Variants in ENTREP1 observed in about 807,000 individuals in gnomAD.
ENTREP1 encodes endosomal transmembrane epsin interactor 1, also known as Friedreich ataxia region gene X123.
chr9:69,391,609 C>T, the ENTREP1 span: 24 of 1,614,058 alleles, frequency 1.5e-5, no homozygotes, highest in African/African-American at 3.2e-4. Flanking sequence ...AGATAATGGC[C>T]CCATTGCAGC....
the ENTREP1 span, among the ~76,000 whole-genome samples, chr9:69,328,616 T>G: frequency 6.6e-6 from 1 of 151,774 alleles, no homozygotes; most frequent in Admixed American, 6.6e-5. Flanking sequence ...ATGGGCTTGA[T>G]AGGACATTGT....
chr9:69,336,515 A>G, the ENTREP1 span, among the ~76,000 whole-genome samples: 1 of 152,126 alleles, frequency 6.6e-6, no homozygotes, highest in Admixed American at 6.5e-5. Flanking sequence ...CTAGCATTAA[A>G]CCCATCCTAA....
the ENTREP1 span, among the ~76,000 whole-genome samples, chr9:69,374,522 G>A: frequency 6.6e-6 from 1 of 152,078 alleles, no homozygotes; most frequent in Non-Finnish European, 1.5e-5. Flanking sequence ...GGCTCTCCAC[G>A]TCTCCACCAG....
At chr9:69,385,823 A>C in the ENTREP1 span, 1 of 1,595,688 alleles carries the variant, frequency 6.3e-7, no homozygotes, top group Non-Finnish European at 8.5e-7. Flanking sequence ...TACCTGCCGA[A>C]GAAAATGCAT....
the ENTREP1 span, chr9:69,385,684 G>T: frequency 1.4e-6 from 2 of 1,405,368 alleles, no homozygotes; most frequent in Non-Finnish European, 1.8e-6. Context: ...CATTACCCTT[G>T]CCCTGGCAGG....
chr9:69,345,813 A>G, the ENTREP1 span, among the ~76,000 whole-genome samples: 1 of 152,060 alleles, frequency 6.6e-6, no homozygotes, highest in South Asian at 2.1e-4. Context: ...CATCTTGGCC[A>G]GGCTGGTCTC....
the ENTREP1 span, among the ~76,000 whole-genome samples, chr9:69,349,396 G>T: frequency 6.6e-6 from 1 of 152,116 alleles, no homozygotes; most frequent in Non-Finnish European, 1.5e-5. Flanking sequence ...ATTTCCACCA[G>T]CAGTGTTTGA....
the ENTREP1 span, chr9:69,383,111 T>C: frequency 1.0e-6 from 1 of 985,314 alleles, no homozygotes; most frequent in Non-Finnish European, 1.2e-6. Context: ...ACAAGAGTCA[T>C]GTAGAATGTA....
the ENTREP1 span, among the ~76,000 whole-genome samples, chr9:69,346,601 T>C: frequency 6.6e-6 from 1 of 152,250 alleles, no homozygotes; most frequent in East Asian, 1.9e-4. Flanking sequence ...GTCAGTGTCT[T>C]AACATTTACA....
the ENTREP1 span, chr9:69,375,892 G>T: frequency 6.2e-7 from 1 of 1,602,914 alleles, no homozygotes. Flanking sequence ...CCACCCGCAC[G>T]GTAAATACAC....
the ENTREP1 span, among the ~76,000 whole-genome samples, chr9:69,342,205 G>A: frequency 6.6e-6 from 1 of 152,008 alleles, no homozygotes; most frequent in Admixed American, 6.6e-5. Flanking sequence ...AATTTTCCAG[G>A]TTCTTTCATA....
At chr9:69,373,250 C>G in the ENTREP1 span, among the ~76,000 whole-genome samples, 5 of 152,140 alleles carry the variant, frequency 3.3e-5, no homozygotes, top group Non-Finnish European at 5.9e-5. Flanking sequence ...TGCACAAAAA[C>G]AGACATAATC....
At chr9:69,331,035 T>C in the ENTREP1 span, among the ~76,000 whole-genome samples, 1 of 75,102 alleles carries the variant, frequency 1.3e-5, no homozygotes, top group African/African-American at 4.5e-5. Context: ...TTGCCCACTT[T>C]CTCAATTTGT....
chr9:69,387,773 C>T, the ENTREP1 span: 4,714 of 606,866 alleles, frequency 7.8e-3, 24 homozygotes, highest in Non-Finnish European at 9.4e-3. Flanking sequence ...ACTTCATCCT[C>T]GCTCCTTGGA....
the ENTREP1 span, among the ~76,000 whole-genome samples, chr9:69,335,252 A>G: frequency 1.3e-5 from 2 of 152,196 alleles, no homozygotes; most frequent in African/African-American, 4.8e-5. Flanking sequence ...CACAGTTAGT[A>G]GGTAATTCAG....
At chr9:69,332,255 T>C in the ENTREP1 span, among the ~76,000 whole-genome samples, 1 of 152,222 alleles carries the variant, frequency 6.6e-6, no homozygotes, top group Non-Finnish European at 1.5e-5. Context: ...AGTAGGTGTG[T>C]GCCTTTGTTG....
the ENTREP1 span, among the ~76,000 whole-genome samples, chr9:69,328,594 C>T: frequency 6.6e-6 from 1 of 151,502 alleles, no homozygotes; most frequent in African/African-American, 2.4e-5. Flanking sequence ...TTAGTATGTA[C>T]TTATAAAAGA....
At chr9:69,391,131 G>C in the ENTREP1 span, among the ~76,000 whole-genome samples, 905 of 152,264 alleles carry the variant, frequency 5.9e-3, 40 homozygotes, top group Admixed American at 0.052. Context: ...TCCCAGACCA[G>C]TGGTTCTTAC....
the ENTREP1 span, chr9:69,383,087 C>G: frequency 1.0e-5 from 10 of 984,802 alleles, no homozygotes; most frequent in Admixed American, 2.5e-4. Context: ...CGGTTCTTTA[C>G]CCACAGGACA....
Sources: gnomAD v4.1 joint callset for allele counts (sites outside exome capture counted in the v4.1 genomes callset) on GRCh38, gnomAD v4.1.1 for gene constraint, MANE v1.5 for transcripts, NCBI Gene and HGNC (gene_info 2026-07-23, HGNC 2026-07-21) for gene names.